The following SASH1 variants were observed in gnomAD, a reference collection of about 807,000 sequenced individuals.
SASH1 encodes SAM and SH3 domain-containing protein 1.
A neutral mutation model predicts 125.2 loss-of-function variants in SASH1; 44 were observed. The observed-to-expected ratio is 0.35, with a 90% CI of 0.28 to 0.45. SASH1 has a LOEUF of 0.45. SASH1 is among the 20% of genes least tolerant of loss of function. SASH1 has a pLI of 1.00. For missense variants in SASH1, 1,426 were observed against 1,614.5 expected, an observed-to-expected ratio of 0.88 and a Z score of 2.00; for synonymous variants, 639 against 649.1, an observed-to-expected ratio of 0.98 and a Z score of 0.24.
chr6:148,528,878 T>C (rs1781347417), intron 12 of SASH1, among the ~76,000 whole-genome samples: 1 of 152,068 alleles, frequency 6.6e-6, no homozygotes, highest in Non-Finnish European at 1.5e-5. Context: ...CTCACCATAA[T>C]GTAGAATCAG....
intron 1 of SASH1, among the ~76,000 whole-genome samples, chr6:148,325,261 T>TTTTTGTTGTTGTTGTTG (rs1554235039): frequency 3.3e-5 from 5 of 149,878 alleles, no homozygotes; most frequent in Non-Finnish European, 7.4e-5. Flanking sequence ...AAAAGCCTCT[T>TTTTTGTTGTTGTTGTTG]TTGTTGTTGT....
intron 1 of SASH1, among the ~76,000 whole-genome samples, chr6:148,299,600 G>A (rs1210210917): frequency 6.7e-6 from 1 of 150,146 alleles, no homozygotes; most frequent in Non-Finnish European, 1.5e-5. Flanking sequence ...CTGGGAGGTG[G>A]CGGTTGCAGT....
At chr6:148,216,439 G>T in the SASH1 span, among the ~76,000 whole-genome samples, 2 of 152,282 alleles carry the variant, frequency 1.3e-5, no homozygotes, top group African/African-American at 4.8e-5. Context: ...GCTGGAGGGG[G>T]AAAAACATGA....
chr6:148,365,426 T>TA (rs397773018), intron 1 of SASH1, among the ~76,000 whole-genome samples: 8 of 151,756 alleles, frequency 5.3e-5, no homozygotes, highest in Admixed American at 2.6e-4. Context: ...TTTTTTTTTT[T>TA]AACTGAGACA....
the SASH1 span, among the ~76,000 whole-genome samples, chr6:148,212,033 G>A: frequency 1.3e-5 from 2 of 152,204 alleles, no homozygotes; most frequent in African/African-American, 4.8e-5. Context: ...TTCAGGAAAA[G>A]AGTGTTCTTC....
chr6:148,380,021 T>A, intron 1 of SASH1: 1 of 454,040 alleles, frequency 2.2e-6, no homozygotes. Context: ...TACCTGTCAG[T>A]TCTTAAAAAT....
intron 8 of SASH1, among the ~76,000 whole-genome samples, chr6:148,510,443 TTGAA>T (rs1197344495): frequency 6.6e-6 from 1 of 152,190 alleles, no homozygotes; most frequent in Non-Finnish European, 1.5e-5. Flanking sequence ...TATCTCATGT[TTGAA>T]TGTGTGTGAA....
chr6:148,396,497 A>AG (rs1562378812), intron 2 of SASH1, among the ~76,000 whole-genome samples: 1 of 151,506 alleles, frequency 6.6e-6, no homozygotes, highest in East Asian at 1.9e-4. Flanking sequence ...AAAAAAAAAA[A>AG]AAAAAAGAAA....
chr6:148,206,529 C>T, the SASH1 span, among the ~76,000 whole-genome samples: 1 of 152,066 alleles, frequency 6.6e-6, no homozygotes, highest in Non-Finnish European at 1.5e-5. Flanking sequence ...GTGGCTCACG[C>T]CTGTAATCCC....
At chr6:148,527,977 CT>C (rs5880790) in intron 12 of SASH1, among the ~76,000 whole-genome samples, 25,077 of 94,276 alleles carry the variant, frequency 0.27, 2,683 homozygotes, top group South Asian at 0.4. Flanking sequence ...AAACCTAAAG[CT>C]TTTTTTTTTT....
At chr6:148,256,388 TC>T in the SASH1 span, among the ~76,000 whole-genome samples, 1 of 152,210 alleles carries the variant, frequency 6.6e-6, no homozygotes, top group Non-Finnish European at 1.5e-5. Context: ...AAAATCACAT[TC>T]TTTTGACTCT....
chr6:148,505,163 G>A (rs754862333), intron 8 of SASH1, among the ~76,000 whole-genome samples: 15 of 152,178 alleles, frequency 9.9e-5, no homozygotes, highest in Non-Finnish European at 1.8e-4. Context: ...GAAGAAACAT[G>A]CCCACAGCCA....
intron 19 of SASH1, among the ~76,000 whole-genome samples, chr6:148,546,362 A>C (rs1782570344): frequency 6.6e-6 from 1 of 152,242 alleles, no homozygotes; most frequent in South Asian, 2.1e-4. Flanking sequence ...CAACACTGTG[A>C]AAAACTTTTT....
intron 2 of SASH1, among the ~76,000 whole-genome samples, chr6:148,393,077 C>T (rs1411725152): frequency 2.0e-5 from 3 of 147,350 alleles, no homozygotes; most frequent in Non-Finnish European, 4.5e-5. Flanking sequence ...ATGGAGTTTC[C>T]CTCCTGTTGC....
the SASH1 span, among the ~76,000 whole-genome samples, chr6:148,229,959 G>A: frequency 6.6e-5 from 10 of 152,074 alleles, no homozygotes; most frequent in Non-Finnish European, 1.2e-4. Context: ...TAATCCACCC[G>A]CCTCGGCCTC....
In SASH1 at chr6:148,285,348, G is replaced by C. The variant is rs140978602; in HGVS notation, n.74+12971G>C. 7.0e-4 allele frequency among the ~76,000 whole-genome samples: 107 copies of C among 152,308 alleles called. 1 individual carries two copies. In the East Asian group the frequency reaches 0.017, roughly 24 times the overall value. On this transcript the variant is annotated intron_variant and non_coding_transcript_variant, in intron 1 of 3. Coordinates refer to the SASH1 transcript ENST00000367469. The stretch of plus-strand genomic sequence containing the variant: ...GTCCTGTTTGTTTCCCTGGAAAAGA[G>C]TTCCTATCTCCTTGCTATGGTTGTG...
chr6:148,370,477 T>G (rs1417980777), intron 1 of SASH1, among the ~76,000 whole-genome samples: 1 of 152,196 alleles, frequency 6.6e-6, no homozygotes, highest in East Asian at 1.9e-4. Context: ...CCATCTTGGT[T>G]TTCTCCTATT....
the SASH1 span, among the ~76,000 whole-genome samples, chr6:148,207,240 C>T: frequency 6.6e-6 from 1 of 152,322 alleles, no homozygotes; most frequent in South Asian, 2.1e-4. Context: ...GCGCAGTATA[C>T]CCAATAGGAG....
chr6:148,374,945 C>T (rs2114760867), intron 1 of SASH1, among the ~76,000 whole-genome samples: 1 of 152,236 alleles, frequency 6.6e-6, no homozygotes, highest in East Asian at 1.9e-4. Flanking sequence ...GATCTGCCTG[C>T]CTTGTCCTCC....
Sources: gnomAD v4.1 joint callset for allele counts (sites outside exome capture counted in the v4.1 genomes callset) on GRCh38, gnomAD v4.1.1 for gene constraint, MANE v1.5 for transcripts, NCBI Gene and HGNC (gene_info 2026-07-23, HGNC 2026-07-21) for gene names.